The following RAB11FIP4 variants were observed in gnomAD, a reference collection of about 807,000 sequenced individuals.
RAB11FIP4 encodes the protein rab11 family-interacting protein 4.
In RAB11FIP4, 23 loss-of-function variants were observed where a neutral mutation model predicts 74.3. The ratio of observed to expected loss-of-function variants is 0.31; its 90% CI spans 0.22 to 0.44. The LOEUF is 0.44. Among genes scored for constraint, RAB11FIP4 ranks in the 20% least tolerant of loss-of-function variants. RAB11FIP4 has a pLI of 1.00. For missense variants in RAB11FIP4, 630 were observed against 863.9 expected (o/e 0.73, Z 3.39); for synonymous variants, 360 against 359.9 (o/e 1.00, Z 0.00).
intron 3 of RAB11FIP4, among the ~76,000 whole-genome samples, chr17:31,460,403 G>C (rs1246224664): frequency 6.6e-6 from 1 of 152,174 alleles, no homozygotes; most frequent in Admixed American, 6.5e-5. Context: ...ACTTTGGACA[G>C]GTTGTGTCAT....
chr17:31,406,646 T>C (rs2071044726), intron 1 of RAB11FIP4, among the ~76,000 whole-genome samples: 1 of 152,250 alleles, frequency 6.6e-6, no homozygotes, highest in South Asian at 2.1e-4. Flanking sequence ...ATTTTTTCCA[T>C]GTTGCTATTT....
At chr17:31,427,306 A>C (rs776596215) in intron 1 of RAB11FIP4, among the ~76,000 whole-genome samples, 1 of 152,134 alleles carries the variant, frequency 6.6e-6, no homozygotes, top group Non-Finnish European at 1.5e-5. Context: ...CCACTCTTTG[A>C]AGAGCCCTGT....
intron 3 of RAB11FIP4, among the ~76,000 whole-genome samples, chr17:31,517,267 G>A (rs2072575372): frequency 6.6e-6 from 1 of 151,332 alleles, no homozygotes; most frequent in Non-Finnish European, 1.5e-5. Context: ...GAAAATTGGG[G>A]TTTTCCTTTT....
Position 31,517,706 on chromosome 17 carries a change from C to T in RAB11FIP4, c.392C>T (p.Pro131Leu). 2.5e-6 allele frequency: 4 copies of T among 1,607,120 alleles called. No individual in the cohort carries two copies. The highest frequency in any genetic ancestry group is 3.4e-6 in the Non-Finnish European group (4 of 1,177,504). Residue 131 changes from proline (P) to leucine (L), a missense_variant, in exon 4 of 15, where the codon CCC becomes CTC. Pro to Leu is a moderately conservative substitution (Grantham distance 98). Coordinates refer to ENST00000621161, the MANE Select transcript of RAB11FIP4 (RefSeq NM_032932.6). ...GATGGCGAGCTCATCCCCAGGGAAC[C>T]CGGCTTTTTTCCCGAGGACGAGGAG... ...FADGELIPRE[P>L]GFFPEDEEEA...
At chr17:31,510,068 T>C (rs2072424290) in intron 3 of RAB11FIP4, among the ~76,000 whole-genome samples, 7 of 152,188 alleles carry the variant, frequency 4.6e-5, no homozygotes, top group African/African-American at 2.4e-5. Flanking sequence ...TACCAGTCTC[T>C]GCGGCCACCA....
chr17:31,392,862 G>T (rs535257969), intron 1 of RAB11FIP4, among the ~76,000 whole-genome samples: 8 of 152,200 alleles, frequency 5.3e-5, no homozygotes, highest in African/African-American at 7.2e-5. Context: ...AATGGTCAGG[G>T]GTTTCCCCTG....
chr17:31,402,756 G>C (rs1292258301), intron 1 of RAB11FIP4, among the ~76,000 whole-genome samples: 1 of 151,730 alleles, frequency 6.6e-6, no homozygotes, highest in Admixed American at 6.6e-5. Context: ...CAAGTAGCTG[G>C]GACTACAGGC....
intron 1 of RAB11FIP4, among the ~76,000 whole-genome samples, chr17:31,408,743 A>G (rs911387321): frequency 6.6e-6 from 1 of 152,226 alleles, no homozygotes; most frequent in Non-Finnish European, 1.5e-5. Context: ...CATCGCCCCA[A>G]CTGACATGTG....
intron 3 of RAB11FIP4, among the ~76,000 whole-genome samples, chr17:31,451,458 C>CA (rs60812825): frequency 0.092 from 7,893 of 85,608 alleles, 384 homozygotes; most frequent in Non-Finnish European, 0.13. Flanking sequence ...GACTCCATCT[C>CA]AAAAAAAAAA....
intron 4 of RAB11FIP4, chr17:31,520,869 C>T (rs1161726886): frequency 7.8e-5 from 14 of 178,734 alleles, no homozygotes; most frequent in Non-Finnish European, 1.5e-4. Flanking sequence ...TAATAATTTA[C>T]TAACATTATA....
chr17:31,524,196 G>C, intron 9 of RAB11FIP4, 200 bp downstream of exon 9: 1 of 565,536 alleles, frequency 1.8e-6, no homozygotes, highest in Non-Finnish European at 3.2e-6. Context: ...ACAGGTTGGA[G>C]CTTGACCTTG....
rs191563738 is a variant in RAB11FIP4, at chr17:31,484,719, G to C, written c.337-32932G>C. On this transcript the variant is annotated intron_variant, in intron 3 of 14. Coordinates refer to ENST00000621161, the MANE Select transcript of RAB11FIP4 (RefSeq NM_032932.6). ...GTCAGGGTCCTAAATTTTCCCTCAGGCTGCCTCTAATCCTCACCTCTGTTC... is the reference window on the plus strand; with the variant it reads ...GTCAGGGTCCTAAATTTTCCCTCAGCCTGCCTCTAATCCTCACCTCTGTTC... 3.5e-4 allele frequency among the ~76,000 whole-genome samples: 54 copies of C among 152,156 alleles called. No individual in the cohort carries two copies. The East Asian group carries it at 8.5e-3, about 24-fold the overall frequency.
At chr17:31,398,445 T>C (rs2070951964) in intron 1 of RAB11FIP4, among the ~76,000 whole-genome samples, 1 of 152,082 alleles carries the variant, frequency 6.6e-6, no homozygotes, top group African/African-American at 2.4e-5. Context: ...AATGCCAGCG[T>C]TGAGAGACCG....
At chr17:31,421,488 G>A (rs923877464) in intron 1 of RAB11FIP4, among the ~76,000 whole-genome samples, 2 of 149,710 alleles carry the variant, frequency 1.3e-5, no homozygotes, top group African/African-American at 4.9e-5. Context: ...AAAAGCTCTG[G>A]GATTACAAAC....
At chr17:31,463,398 TG>T (rs2071651673) in intron 3 of RAB11FIP4, among the ~76,000 whole-genome samples, 1 of 152,158 alleles carries the variant, frequency 6.6e-6, no homozygotes, top group South Asian at 2.1e-4. Flanking sequence ...TGGCGTGTGG[TG>T]GGCACTAGAT....
At chr17:31,525,334 G>A (rs2072747016) in intron 10 of RAB11FIP4, 104 bp downstream of exon 10, 1 of 1,207,212 alleles carries the variant, frequency 8.3e-7, no homozygotes. Context: ...ATGTGAGGCT[G>A]AGGGGCAGCC....
At chr17:31,461,787 G>A (rs970250254) in intron 3 of RAB11FIP4, among the ~76,000 whole-genome samples, 2 of 151,346 alleles carry the variant, frequency 1.3e-5, no homozygotes, top group East Asian at 1.9e-4. Flanking sequence ...GCACGATCTC[G>A]ACTCACTAGA....
chr17:31,485,188 G>A (rs1434312054), intron 3 of RAB11FIP4, among the ~76,000 whole-genome samples: 1 of 152,166 alleles, frequency 6.6e-6, no homozygotes, highest in Non-Finnish European at 1.5e-5. Context: ...CCAAAACATT[G>A]ACTTCCCTTG....
chr17:31,501,021 CAAA>C (rs79846096), intron 3 of RAB11FIP4, among the ~76,000 whole-genome samples: 5 of 130,666 alleles, frequency 3.8e-5, no homozygotes, highest in African/African-American at 2.7e-5. Context: ...GACTCCATCT[CAAA>C]AAAAAAAAAA....
Sources: gnomAD v4.1 joint callset for allele counts (sites outside exome capture counted in the v4.1 genomes callset) on GRCh38, gnomAD v4.1.1 for gene constraint, MANE v1.5 for transcripts, NCBI Gene and HGNC (gene_info 2026-07-23, HGNC 2026-07-21) for gene names.